The following SAMD4A variants were observed in gnomAD, a reference collection of about 807,000 sequenced individuals.
SAMD4A encodes the protein sterile alpha motif domain containing 4A, also known as protein Smaug homolog 1.
Under a neutral mutation model 81.3 loss-of-function variants are expected in SAMD4A, and 33 were observed. The ratio of observed to expected loss-of-function variants is 0.41; its 90% confidence interval spans 0.31 to 0.54. The LOEUF is 0.54. Ranked by LOEUF, SAMD4A falls within the 20% of genes least tolerant of loss-of-function variation. The probability of loss-of-function intolerance (pLI) is 0.37; values close to 1 mark genes in which losing one functional copy is unlikely to be tolerated. For synonymous variants in SAMD4A, 389 were observed against 382.1 expected, an observed-to-expected ratio of 1.02 and a Z score of -0.21; for missense variants, 854 against 951.1, an observed-to-expected ratio of 0.90 and a Z score of 1.34.
chr14:54,580,351 T>C (rs1005595639), intron 2 of SAMD4A, among the ~76,000 whole-genome samples: 3 of 152,224 alleles, frequency 2.0e-5, no homozygotes, highest in African/African-American at 7.2e-5. Flanking sequence ...CCCCTTTCTG[T>C]TTCTTTACTC....
At chr14:54,629,546 G>C (rs2140332676) in intron 2 of SAMD4A, among the ~76,000 whole-genome samples, 1 of 152,072 alleles carries the variant, frequency 6.6e-6, no homozygotes, top group African/African-American at 2.4e-5. Context: ...TTCTATGCAT[G>C]TATATTTATG....
intron 2 of SAMD4A, among the ~76,000 whole-genome samples, chr14:54,609,496 C>T (rs560758183): frequency 4.4e-4 from 67 of 152,366 alleles, no homozygotes; most frequent in African/African-American, 1.5e-3. Flanking sequence ...TAATCTGTTA[C>T]AGCAGCCAAT....
chr14:54,647,401 T>C (rs1185802606), intron 2 of SAMD4A, among the ~76,000 whole-genome samples: 1 of 152,214 alleles, frequency 6.6e-6, no homozygotes, highest in Non-Finnish European at 1.5e-5. Flanking sequence ...GGCAGAACAG[T>C]TCTAGGCCTG....
chr14:54,616,008 T>G (rs1382970046), intron 2 of SAMD4A, among the ~76,000 whole-genome samples: 1 of 152,168 alleles, frequency 6.6e-6, no homozygotes, highest in South Asian at 2.1e-4. Context: ...CAGGTAAAAT[T>G]TACTTGTATT....
chr14:54,671,757 C>T (rs573761960), intron 2 of SAMD4A, among the ~76,000 whole-genome samples: 44 of 152,314 alleles, frequency 2.9e-4, no homozygotes, highest in Non-Finnish European at 5.3e-4. Context: ...GTGAATGTGG[C>T]AATGAACCAG....
In SAMD4A at chr14:54,791,407, A is replaced by T. The variant is rs1315232701; in HGVS notation, c.*2463A>T. 2 of 152,266 alleles carry T rather than the reference A, an allele frequency of 1.3e-5. No individual in the cohort carries two copies. The highest frequency in any genetic ancestry group is 2.9e-5 in the Non-Finnish European group (2 of 68,042). The allele number at this position is 152,266 out of a possible 1,614,324, so 9.4% of individuals were successfully genotyped here. On this transcript the variant is annotated 3_prime_UTR_variant, in exon 13 of 13. Transcript: ENST00000554335. ...ATCACATTCGCATGAATCCTTTAAA[A>T]GGAAGAAGACCTTAAAGTATCTGCA...
intron 2 of SAMD4A, among the ~76,000 whole-genome samples, chr14:54,686,829 A>G (rs910805048): frequency 6.6e-6 from 1 of 152,172 alleles, no homozygotes; most frequent in African/African-American, 2.4e-5. Flanking sequence ...GGGCCCTTTT[A>G]TAATGAAATT....
chr14:54,634,419 A>C (rs976047302), intron 2 of SAMD4A, among the ~76,000 whole-genome samples: 5 of 152,064 alleles, frequency 3.3e-5, no homozygotes, highest in African/African-American at 9.7e-5. Context: ...GCGGTCCCCC[A>C]CCTTTTTGGC....
intron 9 of SAMD4A, 34 bp downstream of exon 9, chr14:54,770,256 T>A (rs746063944): frequency 1.4e-6 from 2 of 1,426,526 alleles, no homozygotes; most frequent in South Asian, 2.3e-5. Flanking sequence ...TAATGCGTAG[T>A]GGTTCCCCTG....
At chr14:54,746,240 T>G (rs1175674970) in intron 4 of SAMD4A, among the ~76,000 whole-genome samples, 1 of 152,198 alleles carries the variant, frequency 6.6e-6, no homozygotes, top group Non-Finnish European at 1.5e-5. Context: ...TCTTTGTTTT[T>G]CCGTTCTCCT....
rs531079646 is a variant in SAMD4A at position 54,679,647 on chromosome 14, C to G, written c.197-22415C>G. 2.1e-4 allele frequency among the ~76,000 whole-genome samples: 32 copies of G among 152,306 alleles called. No homozygotes were observed. The South Asian group carries it at 2.5e-3, about 12-fold the overall frequency. Reference sequence around the variant, plus strand: ...ATGCACAAACCATTGTTTTCCATGTCATCCTTTGGAAGTGGCGGGTGATGG... The same window carrying G: ...ATGCACAAACCATTGTTTTCCATGTGATCCTTTGGAAGTGGCGGGTGATGG... On this transcript the variant is annotated intron_variant, in intron 2 of 12. Coordinates refer to ENST00000554335, the MANE Select transcript of SAMD4A (RefSeq NM_015589.6).
At position 54,751,818 on chromosome 14, in the gene SAMD4A, C is replaced by T. The variant is rs139700757; in HGVS notation, c.1176+281C>T. Among the ~76,000 whole-genome samples, 5 of 152,268 alleles carry T rather than the reference C, an allele frequency of 3.3e-5. No homozygotes were observed. The East Asian group carries it at 7.7e-4, about 24-fold the overall frequency. On this transcript the variant is annotated intron_variant, in intron 6 of 12. Coordinates refer to ENST00000554335, the MANE Select transcript of SAMD4A (RefSeq NM_015589.6). The stretch of plus-strand genomic sequence containing the variant: ...CTGTCAAATGCACCCTTTTTGTATA[C>T]GTTTGTGTCTCTGCCTCGTATACAT...
chr14:54,725,809 G>A (rs1043419864), intron 3 of SAMD4A, among the ~76,000 whole-genome samples: 9 of 152,218 alleles, frequency 5.9e-5, no homozygotes, highest in African/African-American at 1.9e-4. Context: ...CGGAAGTACA[G>A]AAGGGCCACA....
rs141948892 is a variant in SAMD4A, at chr14:54,682,093, C to T, written c.197-19969C>T. 61 of 977,270 alleles carry T rather than the reference C, an allele frequency of 6.2e-5. No individual in the cohort carries two copies. In the African/African-American group the frequency reaches 9.3e-4, roughly 15 times the overall value. 60.5% of individuals were successfully genotyped at this position (977,270 alleles called of 1,614,324 possible). Reference sequence around the variant, plus strand: ...CATTAGTGTGTGACTCAGGAATCTCCGGATCCCTGTTCTTATCCCACAATG... The same window carrying T: ...CATTAGTGTGTGACTCAGGAATCTCTGGATCCCTGTTCTTATCCCACAATG... On this transcript the variant is annotated intron_variant, in intron 2 of 12. Coordinates refer to ENST00000554335, the MANE Select transcript of SAMD4A (RefSeq NM_015589.6).
At chr14:54,787,028 C>T (rs780664871) in intron 12 of SAMD4A, among the ~76,000 whole-genome samples, 5 of 152,212 alleles carry the variant, frequency 3.3e-5, no homozygotes, top group Non-Finnish European at 5.9e-5. Context: ...TATGACAGAG[C>T]TTCTCTGCTG....
intron 3 of SAMD4A, among the ~76,000 whole-genome samples, chr14:54,721,320 G>A (rs1566603137): frequency 2.6e-5 from 4 of 152,256 alleles, no homozygotes; most frequent in African/African-American, 9.6e-5. Context: ...AGATCTCTTT[G>A]TGTAGTCCCT....
Position 54,774,915 on chromosome 14 carries a change from TC to T in SAMD4A, c.1716-18del. On this transcript the variant is annotated intron_variant, in intron 9 of 12. Coordinates refer to ENST00000554335, the MANE Select transcript of SAMD4A (RefSeq NM_015589.6). The stretch of plus-strand genomic sequence containing the variant: ...GAATAACGACTGATATTCTCTTCCT[TC>T]TCTCTTGGCTCTCACAGTCGAGGCT... 1 of 1,613,676 alleles carries T rather than the reference TC, an allele frequency of 6.2e-7. No individual in the cohort carries two copies.
intron 2 of SAMD4A, among the ~76,000 whole-genome samples, chr14:54,657,840 C>T (rs990492210): frequency 1.3e-5 from 2 of 152,160 alleles, no homozygotes; most frequent in Non-Finnish European, 2.9e-5. Context: ...TTTGTTGGGC[C>T]TGGATAGTCT....
chr14:54,649,236 TATTTTTAAAGGAAG>T (rs1413841791), intron 2 of SAMD4A, among the ~76,000 whole-genome samples: 1 of 152,160 alleles, frequency 6.6e-6, no homozygotes, highest in African/African-American at 2.4e-5. Context: ...AGTTGTGACT[TATTTTTAAAGGAAG>T]ATTTTTAAAG....
Sources: gnomAD v4.1 joint callset for allele counts (sites outside exome capture counted in the v4.1 genomes callset) on GRCh38, gnomAD v4.1.1 for gene constraint, MANE v1.5 for transcripts, NCBI Gene and HGNC (gene_info 2026-07-23, HGNC 2026-07-21) for gene names.